DOCK3: variants seen among roughly 807,000 people sequenced by gnomAD.
DOCK3 encodes dedicator of cytokinesis 3.
Under a neutral mutation model 265.6 loss-of-function variants are expected in DOCK3, and 60 were observed. The observed-to-expected ratio is 0.23, with a 90% confidence interval of 0.18 to 0.28. DOCK3 has a LOEUF of 0.28. Among genes scored for constraint, DOCK3 ranks in the 10% least tolerant of loss-of-function variants. The pLI, the probability that DOCK3 is intolerant of heterozygous loss-of-function variation, is 1.00. For missense variants in DOCK3, 1,981 were observed against 2,594.3 expected (o/e 0.76, Z 5.14); for synonymous variants, 881 against 938.0 (o/e 0.94, Z 1.11).
rs902850346 is a variant in DOCK3 at position 50,787,917 on chromosome 3, C to T, written c.121+9159C>T. 51 of 1,027,120 alleles carry T rather than the reference C, an allele frequency of 5.0e-5. No homozygotes were observed. The South Asian group carries it at 5.8e-4, about 12-fold the overall frequency. 63.6% of individuals were successfully genotyped at this position (1,027,120 alleles called of 1,614,324 possible). A position where few individuals can be genotyped will look rare whatever the true frequency, so the allele number is the denominator to read the frequency against. ...TTTAATGTTTGATTATTAAGGTTTA[C>T]CTCCACTATGATCTGCTCCCTTTTG... On this transcript the variant is annotated intron_variant, in intron 2 of 52. Coordinates refer to ENST00000266037, the MANE Select transcript of DOCK3 (RefSeq NM_004947.5).
intron 5 of DOCK3, among the ~76,000 whole-genome samples, chr3:50,995,892 T>A (rs941791413): frequency 5.3e-5 from 8 of 152,064 alleles, no homozygotes; most frequent in African/African-American, 1.9e-4. Context: ...GTATTGTAGA[T>A]CTCCTTTTTG....
intron 5 of DOCK3, among the ~76,000 whole-genome samples, chr3:50,990,477 C>T (rs754639573): frequency 2.6e-4 from 40 of 152,306 alleles, no homozygotes; most frequent in Admixed American, 1.4e-3. Flanking sequence ...TGAAACCCTA[C>T]AAGCCAGAAG....
At chr3:51,258,613 C>T (rs1481098866) in intron 22 of DOCK3, among the ~76,000 whole-genome samples, 2 of 152,056 alleles carry the variant, frequency 1.3e-5, no homozygotes, top group Non-Finnish European at 2.9e-5. Context: ...ACGCCATTCT[C>T]GTGCCTCAGC....
chr3:50,713,654 A>ATTTT (rs1553638714), intron 1 of DOCK3, among the ~76,000 whole-genome samples: 5 of 151,342 alleles, frequency 3.3e-5, no homozygotes, highest in Admixed American at 2.6e-4. Flanking sequence ...ATATATATAT[A>ATTTT]TTTTTTGTTT....
chr3:50,742,446 GA>G (rs1233000789), intron 1 of DOCK3, among the ~76,000 whole-genome samples: 2 of 150,726 alleles, frequency 1.3e-5, no homozygotes, highest in African/African-American at 4.8e-5. Context: ...TGAAAACTTT[GA>G]AAAAAATTTA....
At chr3:50,941,784 TA>T (rs1027363858) in intron 5 of DOCK3, among the ~76,000 whole-genome samples, 1 of 152,002 alleles carries the variant, frequency 6.6e-6, no homozygotes, top group Non-Finnish European at 1.5e-5. Context: ...TGATGCTACT[TA>T]AAAAAATGTA....
rs368703436 is a variant in DOCK3 at position 50,766,744 on chromosome 3, G to A, written c.38-11931G>A. 1.4e-3 allele frequency among the ~76,000 whole-genome samples: 218 copies of A among 152,268 alleles called. 2 individuals carry two copies. The highest frequency in any genetic ancestry group is 7.7e-3 in the East Asian group (40 of 5,186). On this transcript the variant is annotated intron_variant, in intron 1 of 52. Coordinates refer to ENST00000266037, the MANE Select transcript of DOCK3 (RefSeq NM_004947.5). ...ACCAGTTTACAGTCCCACCAACAGC[G>A]TAAAAATGTTCCTATTTCTCCACAT... is the stretch of plus-strand genomic sequence containing the variant.
At chr3:51,059,636 C>A (rs2081338610) in intron 5 of DOCK3, among the ~76,000 whole-genome samples, 1 of 152,010 alleles carries the variant, frequency 6.6e-6, no homozygotes, top group African/African-American at 2.4e-5. Flanking sequence ...TCTCAAATAC[C>A]CCTTCCCACT....
chr3:51,257,116 G>A (rs2079590364), intron 22 of DOCK3, among the ~76,000 whole-genome samples: 1 of 152,188 alleles, frequency 6.6e-6, no homozygotes, highest in African/African-American at 2.4e-5. Flanking sequence ...TTCCCTTTGG[G>A]GGAGCATTTT....
intron 21 of DOCK3, 76 bp downstream of exon 21, chr3:51,237,666 C>T (rs1217525551): frequency 3.1e-6 from 4 of 1,291,844 alleles, no homozygotes; most frequent in Non-Finnish European, 4.3e-6. Flanking sequence ...TTAGCTGCAA[C>T]CAGCATTTAA....
chr3:50,693,015 T>C (rs950991835), intron 1 of DOCK3, among the ~76,000 whole-genome samples: 4 of 152,216 alleles, frequency 2.6e-5, no homozygotes, highest in African/African-American at 7.2e-5. Context: ...CTTGGCACCA[T>C]GGTCGAGTAT....
At chr3:50,959,742 G>T in intron 5 of DOCK3, among the ~76,000 whole-genome samples, 1 of 151,896 alleles carries the variant, frequency 6.6e-6, no homozygotes, top group South Asian at 2.1e-4. Flanking sequence ...ACCACGCCCG[G>T]CTAATTTTTT....
At chr3:51,006,669 G>A (rs9755923) in intron 5 of DOCK3, among the ~76,000 whole-genome samples, 1,729 of 151,814 alleles carry the variant, frequency 0.011, 29 homozygotes, top group African/African-American at 0.04. Flanking sequence ...ACACATGCAC[G>A]ACGTGCAGGT....
At chr3:50,716,222 G>A (rs2037097479) in intron 1 of DOCK3, among the ~76,000 whole-genome samples, 2 of 151,876 alleles carry the variant, frequency 1.3e-5, no homozygotes, top group Non-Finnish European at 2.9e-5. Context: ...ATTGACAATG[G>A]CATTAATATT....
intron 5 of DOCK3, among the ~76,000 whole-genome samples, chr3:50,948,386 T>A (rs2076494517): frequency 7.0e-6 from 1 of 143,504 alleles, no homozygotes; most frequent in Non-Finnish European, 1.5e-5. Context: ...TAGAAATTGA[T>A]GTTGAAGTTT....
At chr3:50,694,534 T>G (rs1263588613) in intron 1 of DOCK3, among the ~76,000 whole-genome samples, 2 of 152,134 alleles carry the variant, frequency 1.3e-5, no homozygotes, top group African/African-American at 4.8e-5. Flanking sequence ...ACAGGCTGGG[T>G]GCAGTGGCTC....
Position 50,722,847 on chromosome 3 carries a change from C to T in DOCK3, c.37+47547C>T, listed in dbSNP as rs571905766. 8.0e-5 allele frequency among the ~76,000 whole-genome samples: 12 copies of T among 150,304 alleles called. No homozygotes were observed. In the South Asian group the frequency reaches 1.5e-3, roughly 18 times the overall value. On this transcript the variant is annotated intron_variant, in intron 1 of 52. Transcript: ENST00000266037. ...AGTGCAGTGGCATGATCTCGGCTCA[C>T]TGCAGCCTCTTCCTCCTGGGCTCAA...
At chr3:50,820,703 C>T (rs565784731) in intron 2 of DOCK3, among the ~76,000 whole-genome samples, 3 of 152,086 alleles carry the variant, frequency 2.0e-5, no homozygotes, top group East Asian at 1.9e-4. Flanking sequence ...ATTGCTGGGT[C>T]GAATGGTGGC....
chr3:51,285,769 C>A (rs1425171616), intron 27 of DOCK3, among the ~76,000 whole-genome samples: 1 of 151,836 alleles, frequency 6.6e-6, no homozygotes, highest in East Asian at 1.9e-4. Context: ...CCCGTCTCTA[C>A]TAAAAATAAA....
Sources: gnomAD v4.1 joint callset for allele counts (sites outside exome capture counted in the v4.1 genomes callset) on GRCh38, gnomAD v4.1.1 for gene constraint, MANE v1.5 for transcripts, NCBI Gene and HGNC (gene_info 2026-07-23, HGNC 2026-07-21) for gene names.